The following MAML1 variants were observed in gnomAD, a reference collection of about 807,000 sequenced individuals.
MAML1 encodes mastermind like transcriptional coactivator 1.
A neutral mutation model predicts 77.1 loss-of-function variants in MAML1; 14 were observed. The ratio of observed to expected loss-of-function variants is 0.18; its 90% CI spans 0.12 to 0.28. The LOEUF (loss-of-function observed/expected upper bound fraction) is 0.28, where lower values mean the gene tolerates loss of function less well. Ranked by LOEUF, MAML1 falls within the 10% of genes least tolerant of loss-of-function variation. The probability of loss-of-function intolerance (pLI) is 1.00; values close to 1 mark genes in which losing one functional copy is unlikely to be tolerated. For missense variants in MAML1, 1,217 were observed against 1,327.8 expected (o/e 0.92, Z 1.30); for synonymous variants, 516 against 551.9 (o/e 0.93, Z 0.91).
intron 1 of MAML1, among the ~76,000 whole-genome samples, chr5:179,761,717 T>G (rs1160072358): frequency 6.6e-6 from 1 of 151,596 alleles, no homozygotes; most frequent in Non-Finnish European, 1.5e-5. Context: ...TAAAGATGAA[T>G]TATTAAGTGG....
chr5:179,770,591 G>A (rs889764778), intron 3 of MAML1, among the ~76,000 whole-genome samples: 7 of 152,184 alleles, frequency 4.6e-5, no homozygotes, highest in African/African-American at 1.7e-4. Context: ...GTCTGTTCAT[G>A]AACATTTGGG....
chr5:179,754,537 C>T (rs1375006848), intron 1 of MAML1, among the ~76,000 whole-genome samples: 1 of 151,950 alleles, frequency 6.6e-6, no homozygotes, highest in Non-Finnish European at 1.5e-5. Context: ...CTGCAGTAAG[C>T]TAGGATCACC....
Position 179,768,951 on chromosome 5 carries a change from T to C in MAML1, c.1833T>C (p.Tyr611=), listed in dbSNP as rs1353537728. 1.2e-6 allele frequency: 2 copies of C among 1,614,090 alleles called. No homozygotes were observed. Among genetic ancestry groups the C allele is most frequent in the South Asian group, 1.1e-5 (1 of 91,084 alleles). Residue 611 remains tyrosine, a synonymous_variant, in exon 3 of 5, where the codon TAT becomes TAC. Transcript: ENST00000292599. The part of the protein sequence containing the change: ...SVASSHNSSP[Y]LSSQQQAAVM... ...CCAGCTCCCACAACAGCTCCCCCTA[T>C]CTCAGCAGCCAGCAACAGGCCGCTG... is the stretch of plus-strand genomic sequence containing the variant.
In MAML1 at chr5:179,769,167, T is replaced by C. The variant is rs1351090971; in HGVS notation, c.1971+78T>C. 2 of 1,570,610 alleles carry C rather than the reference T, an allele frequency of 1.3e-6. No individual in the cohort carries two copies. Among genetic ancestry groups the C allele is most frequent in the Non-Finnish European group, 1.7e-6 (2 of 1,155,468 alleles). On this transcript the variant is annotated intron_variant, in intron 3 of 4. Coordinates refer to ENST00000292599, the MANE Select transcript of MAML1 (RefSeq NM_014757.5). The surrounding 1 kb of genome is among the most constrained non-coding windows in gnomAD (Gnocchi z 4.2). ...GCGTCACTGCTACAGTCACACCTTCTGCTTGTGCGTGTGGATTTGCGCAGA... is the reference window on the plus strand; with the variant it reads ...GCGTCACTGCTACAGTCACACCTTCCGCTTGTGCGTGTGGATTTGCGCAGA...
At chr5:179,754,964 G>C (rs1294122319) in intron 1 of MAML1, among the ~76,000 whole-genome samples, 1 of 152,214 alleles carries the variant, frequency 6.6e-6, no homozygotes, top group East Asian at 1.9e-4. Flanking sequence ...GCAAGGAGAA[G>C]TGCTTCCCTC....
chr5:179,740,962 C>T (rs1779273435), intron 1 of MAML1, among the ~76,000 whole-genome samples: 1 of 152,124 alleles, frequency 6.6e-6, no homozygotes, highest in Non-Finnish European at 1.5e-5. Flanking sequence ...CATTTGTCAC[C>T]TGTAATAATA....
chr5:179,772,746 G>A (rs1388405397), intron 4 of MAML1, among the ~76,000 whole-genome samples: 1 of 152,078 alleles, frequency 6.6e-6, no homozygotes, highest in African/African-American at 2.4e-5. Context: ...TATATTGTCT[G>A]GTGAGATGTT....
At chr5:179,747,397 C>T (rs1779401731) in intron 1 of MAML1, among the ~76,000 whole-genome samples, 1 of 152,150 alleles carries the variant, frequency 6.6e-6, no homozygotes, top group African/African-American at 2.4e-5. Context: ...CTGATTTGCA[C>T]ATCCATGTTT....
intron 1 of MAML1, among the ~76,000 whole-genome samples, chr5:179,737,864 G>A (rs531848966): frequency 9.6e-5 from 9 of 93,432 alleles, no homozygotes; most frequent in Admixed American, 8.7e-4. Flanking sequence ...TGGCGCGATC[G>A]TGGGGCACTA....
In MAML1 at chr5:179,776,396, T is replaced by C. The variant is rs1233179069; in HGVS notation, c.*1519T>C. Reference sequence around the variant, plus strand: ...GAGGTTGTACACACATTGGTAGTTATTTTGCACCAGCAGTGCCTTTCTCAC... The same window carrying C: ...GAGGTTGTACACACATTGGTAGTTACTTTGCACCAGCAGTGCCTTTCTCAC... On this transcript the variant is annotated 3_prime_UTR_variant, in exon 5 of 5. Coordinates refer to ENST00000292599, the MANE Select transcript of MAML1 (RefSeq NM_014757.5). 1 of 985,754 alleles carries C rather than the reference T, an allele frequency of 1.0e-6. No homozygotes were observed. The highest frequency in any genetic ancestry group is 1.2e-6 in the Non-Finnish European group (1 of 829,944). The allele number at this position is 985,754 out of a possible 1,614,324, so 61.1% of individuals were successfully genotyped here.
At chr5:179,756,717 A>G (rs2113362640) in intron 1 of MAML1, among the ~76,000 whole-genome samples, 1 of 152,300 alleles carries the variant, frequency 6.6e-6, no homozygotes, top group Non-Finnish European at 1.5e-5. Context: ...GAGAATAGAA[A>G]CAGAAGTCAG....
intron 1 of MAML1, among the ~76,000 whole-genome samples, chr5:179,764,485 AC>A (rs1779775616): frequency 6.6e-6 from 1 of 151,776 alleles, no homozygotes; most frequent in Non-Finnish European, 1.5e-5. Context: ...ACATGGAGAA[AC>A]CCCGTCTCTA....
At chr5:179,734,530 GAAA>G (rs1393903105) in intron 1 of MAML1, among the ~76,000 whole-genome samples, 1 of 151,400 alleles carries the variant, frequency 6.6e-6, no homozygotes, top group Non-Finnish European at 1.5e-5. Flanking sequence ...TGGGTTAGAA[GAAA>G]AAAAACCACT....
chr5:179,751,161 CAG>C (rs1276896580), intron 1 of MAML1, among the ~76,000 whole-genome samples: 1 of 151,960 alleles, frequency 6.6e-6, no homozygotes, highest in Non-Finnish European at 1.5e-5. Flanking sequence ...TTAGTAGAGA[CAG>C]GGTTTCACCA....
intron 1 of MAML1, 111 bp downstream of exon 1, chr5:179,733,538 C>G (rs185304169): frequency 1.2e-6 from 1 of 834,536 alleles, no homozygotes; most frequent in Non-Finnish European, 1.5e-6. Flanking sequence ...TCCGCGACTC[C>G]TGGATCTGGC....
At chr5:179,759,927 A>G (rs963359046) in intron 1 of MAML1, among the ~76,000 whole-genome samples, 32 of 152,316 alleles carry the variant, frequency 2.1e-4, no homozygotes, top group African/African-American at 7.7e-4. Flanking sequence ...TAGACTCTAC[A>G]GGACTTGGGT....
intron 1 of MAML1, among the ~76,000 whole-genome samples, chr5:179,742,509 A>C (rs1779302892): frequency 6.7e-6 from 1 of 149,038 alleles, no homozygotes; most frequent in African/African-American, 2.5e-5. Flanking sequence ...ATAAAAAAAA[A>C]ACCAACATTT....
At chr5:179,765,021 A>G (rs1205317490) in intron 1 of MAML1, among the ~76,000 whole-genome samples, 1 of 118,238 alleles carries the variant, frequency 8.5e-6, no homozygotes, top group African/African-American at 2.8e-5. Context: ...GTGTGTGTGT[A>G]CTCTCTGGCA....
In MAML1 at chr5:179,776,507, C is replaced by T. The variant is rs1756136710; in HGVS notation, c.*1630C>T. On this transcript the variant is annotated 3_prime_UTR_variant, in exon 5 of 5. Coordinates refer to ENST00000292599, the MANE Select transcript of MAML1 (RefSeq NM_014757.5). The stretch of plus-strand genomic sequence containing the variant: ...TGTCGGCCATTTCTCCTTAAAACAC[C>T]TTCCCTACCTTTCCCATGTACTCAG... 1 of 985,756 alleles carries T rather than the reference C, an allele frequency of 1.0e-6. No homozygotes were observed. Among genetic ancestry groups the T allele is most frequent in the Non-Finnish European group, 1.2e-6 (1 of 829,934 alleles). 61.1% of individuals were successfully genotyped at this position (985,756 alleles called of 1,614,324 possible).
Sources: allele counts gnomAD v4.1 joint callset (sites outside exome capture counted in the v4.1 genomes callset), GRCh38; gene constraint gnomAD v4.1.1; non-coding constraint Gnocchi (gnomAD v3.1); transcripts MANE v1.5; gene names NCBI Gene and HGNC (gene_info 2026-07-23, HGNC 2026-07-21).